TLCD4: variants seen among roughly 807,000 people sequenced by gnomAD.
TLCD4 encodes the protein TLC domain containing 4.
TLCD4 carries 7 observed loss-of-function variants against 24.2 expected under a neutral mutation model. The ratio of observed to expected loss-of-function variants is 0.29; its 90% confidence interval spans 0.16 to 0.54. The LOEUF is 0.54. Among genes scored for constraint, TLCD4 ranks in the 20% least tolerant of loss-of-function variants. The pLI is 0.95. For missense variants in TLCD4, 259 were observed against 313.9 expected (o/e 0.82, Z 1.32); for synonymous variants, 103 against 106.4 (o/e 0.97, Z 0.20).
At chr1:95,153,770 T>C (rs1017815510) in intron 5 of TLCD4, among the ~76,000 whole-genome samples, 4 of 152,026 alleles carry the variant, frequency 2.6e-5, no homozygotes, top group African/African-American at 9.7e-5. Context: ...TAACAAACAA[T>C]TGAAGGACCT....
At chr1:95,135,389 T>G (rs1677012897) in intron 1 of TLCD4, among the ~76,000 whole-genome samples, 1 of 151,032 alleles carries the variant, frequency 6.6e-6, no homozygotes, top group Non-Finnish European at 1.5e-5. Flanking sequence ...CTCATTTTTT[T>G]GTACACTTTT....
intron 1 of TLCD4, among the ~76,000 whole-genome samples, chr1:95,130,403 C>T (rs1380557943): frequency 2.6e-5 from 4 of 152,114 alleles, no homozygotes; most frequent in East Asian, 1.9e-4. Context: ...CCACTGGCCT[C>T]GGCCTCCCAA....
intron 5 of TLCD4, among the ~76,000 whole-genome samples, chr1:95,159,160 C>T (rs1461367735): frequency 6.6e-6 from 1 of 152,202 alleles, no homozygotes; most frequent in African/African-American, 2.4e-5. Flanking sequence ...CACATCCTCT[C>T]CAGCACCTGT....
the TLCD4 span, among the ~76,000 whole-genome samples, chr1:95,111,987 G>A: frequency 6.6e-6 from 1 of 152,156 alleles, no homozygotes; most frequent in African/African-American, 2.4e-5. Flanking sequence ...AAAGTTCGGT[G>A]GAAGATAAGG....
intron 1 of TLCD4, among the ~76,000 whole-genome samples, chr1:95,136,212 A>G (rs1571733307): frequency 6.7e-6 from 1 of 150,196 alleles, no homozygotes; most frequent in African/African-American, 2.4e-5. Context: ...ATGCACTTCC[A>G]CTCTTTCTGA....
At chr1:95,176,440 C>A (rs1678435519) in intron 6 of TLCD4, among the ~76,000 whole-genome samples, 1 of 152,066 alleles carries the variant, frequency 6.6e-6, no homozygotes, top group Admixed American at 6.5e-5. Flanking sequence ...ATCCTCCCAC[C>A]TCGGCCTCCC....
upstream of TLCD4, among the ~76,000 whole-genome samples, chr1:95,114,484 C>A (rs895205317): frequency 6.6e-6 from 1 of 152,104 alleles, no homozygotes; most frequent in African/African-American, 2.4e-5. Context: ...ACAATTGGTT[C>A]TATTCAGAAG....
At chr1:95,143,561 ATAT>A (rs1405807428) in intron 1 of TLCD4, among the ~76,000 whole-genome samples, 2 of 152,160 alleles carry the variant, frequency 1.3e-5, no homozygotes, top group African/African-American at 2.4e-5. Context: ...TTTAATTGAA[ATAT>A]TATTAGAAGA....
At chr1:95,104,445 A>G in the TLCD4 span, among the ~76,000 whole-genome samples, 2 of 151,786 alleles carry the variant, frequency 1.3e-5, no homozygotes, top group Admixed American at 6.6e-5. Flanking sequence ...CGGGCGGATC[A>G]GGAGGTCAGG....
chr1:95,180,644 G>A (rs1005919433), intron 6 of TLCD4, among the ~76,000 whole-genome samples: 9 of 152,090 alleles, frequency 5.9e-5, no homozygotes, highest in Non-Finnish European at 1.2e-4. Context: ...CCCACACGCA[G>A]GTTTCTTTTA....
At position 95,144,033 on chromosome 1, in the gene TLCD4, A is replaced by G; in HGVS notation, c.132A>G (p.Lys44=). ...CAGGTTTCAATAGTCTCAGCTTCAA[A>G]AAGAAGATTGAATGGAACTCAAGGT... The part of the protein sequence containing the change: ...VSPGFNSLSF[K]KKIEWNSRVV... The change falls in exon 2 of 7, where the codon AAA becomes AAG. Residue 44 remains lysine, a synonymous_variant. Coordinates refer to ENST00000370203, the MANE Select transcript of TLCD4 (RefSeq NM_152487.3). The G allele has an allele frequency of 1.3e-6, 2 of 1,542,058 alleles. No individual in the cohort carries two copies. The highest frequency in any genetic ancestry group is 1.7e-6 in the Non-Finnish European group (2 of 1,147,466).
At chr1:95,169,767 C>T (rs1303742561) in intron 5 of TLCD4, among the ~76,000 whole-genome samples, 5 of 152,132 alleles carry the variant, frequency 3.3e-5, no homozygotes, top group Non-Finnish European at 7.3e-5. Context: ...CACCCTCAAA[C>T]TTCTGGGTTC....
chr1:95,146,815 C>T (rs1323730551), intron 2 of TLCD4, among the ~76,000 whole-genome samples: 1 of 152,056 alleles, frequency 6.6e-6, no homozygotes, highest in East Asian at 1.9e-4. Flanking sequence ...AATCATACAC[C>T]ATTTCCATCA....
the TLCD4 span, among the ~76,000 whole-genome samples, chr1:95,102,178 A>G: frequency 6.6e-6 from 1 of 152,354 alleles, no homozygotes; most frequent in South Asian, 2.1e-4. Flanking sequence ...GGACTCTTCT[A>G]TAACCAATGG....
the TLCD4 span, among the ~76,000 whole-genome samples, chr1:95,098,518 G>T: frequency 2.0e-5 from 3 of 152,112 alleles, no homozygotes; most frequent in African/African-American, 7.2e-5. Context: ...CCGTGGTTTT[G>T]CATGTTCTCT....
At chr1:95,118,783 A>C (rs1676498949) in intron 1 of TLCD4, among the ~76,000 whole-genome samples, 2 of 152,202 alleles carry the variant, frequency 1.3e-5, no homozygotes, top group Non-Finnish European at 2.9e-5. Flanking sequence ...ATCCTTGCTT[A>C]TCTTTTCCTT....
intron 1 of TLCD4, among the ~76,000 whole-genome samples, chr1:95,122,165 C>A (rs879674266): frequency 1.3e-5 from 2 of 152,030 alleles, no homozygotes; most frequent in Non-Finnish European, 2.9e-5. Flanking sequence ...CCAGCCTGGC[C>A]CACCCACATG....
chr1:95,157,706 C>T (rs937972398), intron 5 of TLCD4, among the ~76,000 whole-genome samples: 7 of 152,250 alleles, frequency 4.6e-5, no homozygotes, highest in African/African-American at 1.2e-4. Flanking sequence ...GTGGTCCTTC[C>T]GTGTAGCTTG....
At chr1:95,099,938 C>T in the TLCD4 span, among the ~76,000 whole-genome samples, 1 of 151,312 alleles carries the variant, frequency 6.6e-6, no homozygotes, top group African/African-American at 2.4e-5. Context: ...TCGAGACCAG[C>T]CTGGGCGACT....
Sources: gnomAD v4.1 joint callset for allele counts (sites outside exome capture counted in the v4.1 genomes callset) on GRCh38, gnomAD v4.1.1 for gene constraint, MANE v1.5 for transcripts, NCBI Gene and HGNC (gene_info 2026-07-23, HGNC 2026-07-21) for gene names.